Variants in STXBP5 observed in about 807,000 individuals in gnomAD.
STXBP5 encodes the protein syntaxin binding protein 5.
In STXBP5, 50 loss-of-function variants were observed where a neutral mutation model predicts 152.4. The ratio of observed to expected loss-of-function variants is 0.33; its 90% CI spans 0.26 to 0.42. The LOEUF is 0.42. Ranked by LOEUF, STXBP5 falls within the 10% of genes least tolerant of loss-of-function variation. The pLI, the probability that STXBP5 is intolerant of heterozygous loss-of-function variation, is 1.00. For synonymous variants in STXBP5, 492 were observed against 494.7 expected (o/e 0.99, Z 0.07); for missense variants, 1,167 against 1,388.6 (o/e 0.84, Z 2.54).
intron 17 of STXBP5, among the ~76,000 whole-genome samples, chr6:147,326,139 T>C (rs1783244558): frequency 6.6e-6 from 1 of 152,196 alleles, no homozygotes; most frequent in East Asian, 1.9e-4. Context: ...AAACTAACAC[T>C]GGCTACAGTC....
intron 17 of STXBP5, among the ~76,000 whole-genome samples, chr6:147,325,548 A>T (rs925982783): frequency 6.6e-6 from 1 of 152,218 alleles, no homozygotes; most frequent in Non-Finnish European, 1.5e-5. Context: ...ATTCATTTAT[A>T]CTGTAGTATA....
chr6:147,252,767 A>C lies in STXBP5; in HGVS notation c.432-7848A>C, dbSNP rs73582601. 4.1e-3 allele frequency among the ~76,000 whole-genome samples: 621 copies of C among 152,232 alleles called. 4 individuals are homozygous for C. Among genetic ancestry groups the C allele is most frequent in the African/African-American group, 0.014 (594 of 41,540 alleles). On this transcript the variant is annotated intron_variant, in intron 4 of 27. Coordinates refer to ENST00000321680, the MANE Select transcript of STXBP5 (RefSeq NM_001127715.4). The stretch of plus-strand genomic sequence containing the variant: ...CTCGAGAAGTGCAACCCCAAGACAC[A>C]CAATTGTCAGATTCACCAATAACAA...
chr6:147,248,282 A>G (rs1321900792), intron 4 of STXBP5, among the ~76,000 whole-genome samples: 1 of 143,446 alleles, frequency 7.0e-6, no homozygotes, highest in Non-Finnish European at 1.5e-5. Context: ...CTCCATCTCA[A>G]AAAAAAAAAA....
rs188669090 is a variant in STXBP5, at chr6:147,368,006, A to T, written c.3081+3840A>T. Among the ~76,000 whole-genome samples, 438 of 152,290 alleles carry T rather than the reference A, an allele frequency of 2.9e-3. 2 individuals carry two copies. Among genetic ancestry groups the T allele is most frequent in the Non-Finnish European group, 5.0e-3 (337 of 68,014 alleles). On this transcript the variant is annotated intron_variant, in intron 25 of 27. Transcript: ENST00000321680. ...AAATAGTCCTGTGTCTATTAAAGAA[A>T]TTGAAATAGAGGTTAGGAACCTTGG...
At chr6:147,353,401 T>G (rs772808439) in intron 22 of STXBP5, 28 bp downstream of exon 22, 50 of 1,469,660 alleles carry the variant, frequency 3.4e-5, no homozygotes, top group Non-Finnish European at 4.6e-5. Context: ...TCAAAATAAT[T>G]TAACTCCCTA....
chr6:147,235,441 T>C, intron 3 of STXBP5, 110 bp downstream of exon 3: 2 of 786,950 alleles, frequency 2.5e-6, no homozygotes, highest in South Asian at 3.6e-5. Context: ...GAACAAAAAT[T>C]AATTTATAAT....
At chr6:147,250,813 T>C (rs1779047593) in intron 4 of STXBP5, among the ~76,000 whole-genome samples, 2 of 152,066 alleles carry the variant, frequency 1.3e-5, no homozygotes, top group Non-Finnish European at 2.9e-5. Context: ...CTCCCTACTT[T>C]ATTTTTAACT....
At chr6:147,322,396 G>T (rs753071536) in intron 16 of STXBP5, among the ~76,000 whole-genome samples, 1 of 152,206 alleles carries the variant, frequency 6.6e-6, no homozygotes, top group Non-Finnish European at 1.5e-5. Flanking sequence ...AGCCAGAAGT[G>T]AACTGTAGTT....
chr6:147,378,530 G>A (rs977240876), intron 26 of STXBP5, among the ~76,000 whole-genome samples: 3 of 151,666 alleles, frequency 2.0e-5, no homozygotes, highest in African/African-American at 4.8e-5. Flanking sequence ...TTTGAAATTA[G>A]GAATCACACA....
At chr6:147,329,917 G>A (rs536473197) in intron 18 of STXBP5, among the ~76,000 whole-genome samples, 18 of 151,934 alleles carry the variant, frequency 1.2e-4, no homozygotes, top group African/African-American at 1.5e-4. Context: ...GTGAGCCACC[G>A]CGCCCGGCCT....
intron 19 of STXBP5, among the ~76,000 whole-genome samples, chr6:147,334,496 T>C (rs761377918): frequency 7.9e-5 from 12 of 152,116 alleles, no homozygotes; most frequent in Non-Finnish European, 1.2e-4. Context: ...TTAGAGAAAA[T>C]ATATTTTACT....
chr6:147,251,056 G>C (rs1779063631), intron 4 of STXBP5, among the ~76,000 whole-genome samples: 1 of 151,920 alleles, frequency 6.6e-6, no homozygotes, highest in South Asian at 2.1e-4. Context: ...ACACAGAAGG[G>C]AGGTGATTTC....
chr6:147,271,746 C>A (rs1780182087), intron 7 of STXBP5, among the ~76,000 whole-genome samples: 1 of 151,924 alleles, frequency 6.6e-6, no homozygotes, highest in Non-Finnish European at 1.5e-5. Context: ...CAGATTAAAT[C>A]TATAGTAAGC....
intron 21 of STXBP5, among the ~76,000 whole-genome samples, chr6:147,352,345 A>G (rs547245896): frequency 7.0e-4 from 106 of 152,362 alleles, no homozygotes; most frequent in African/African-American, 1.3e-3. Flanking sequence ...ATTAAAAAGT[A>G]ATGAACCCAG....
chr6:147,364,464 A>G (rs1001729565), intron 25 of STXBP5, among the ~76,000 whole-genome samples: 3 of 152,238 alleles, frequency 2.0e-5, no homozygotes, highest in African/African-American at 4.8e-5. Context: ...TAGAATAAAT[A>G]TCTATTATAC....
chr6:147,231,097 T>A (rs1454949843), intron 2 of STXBP5, among the ~76,000 whole-genome samples: 4 of 151,772 alleles, frequency 2.6e-5, no homozygotes, highest in African/African-American at 7.2e-5. Flanking sequence ...TAAAAAAAAA[T>A]AAATAGATAA....
At chr6:147,293,221 A>C (rs978983979) in intron 9 of STXBP5, 1 of 152,204 alleles carries the variant, frequency 6.6e-6, no homozygotes, top group African/African-American at 2.4e-5. Flanking sequence ...AAATTGTCCA[A>C]TGATGCATTC....
At position 147,257,210 on chromosome 6, in the gene STXBP5, C is replaced by G. The variant is rs78352617; in HGVS notation, c.432-3405C>G. On this transcript the variant is annotated intron_variant, in intron 4 of 27. Coordinates refer to ENST00000321680, the MANE Select transcript of STXBP5 (RefSeq NM_001127715.4). ...CCCCTCAGTGTGCCACTAAATACAA[C>G]TTGTATTTAGTGGCATACTGAGGGG... Among the ~76,000 whole-genome samples, 309 of 150,082 alleles carry G rather than the reference C, an allele frequency of 2.1e-3. 5 individuals carry two copies. In the East Asian group the frequency reaches 0.037, roughly 18 times the overall value.
intron 25 of STXBP5, among the ~76,000 whole-genome samples, chr6:147,371,988 T>A (rs546229208): frequency 1.8e-4 from 27 of 152,284 alleles, no homozygotes; most frequent in Non-Finnish European, 3.2e-4. Context: ...TGCCTAAAAT[T>A]GCCTTTGTTA....
Sources: gnomAD v4.1 joint callset for allele counts (sites outside exome capture counted in the v4.1 genomes callset) on GRCh38, gnomAD v4.1.1 for gene constraint, MANE v1.5 for transcripts, NCBI Gene and HGNC (gene_info 2026-07-23, HGNC 2026-07-21) for gene names.